The following RAD51B variants were observed in gnomAD, a reference collection of about 807,000 sequenced individuals.
RAD51B encodes the protein DNA repair protein RAD51 homolog 2.
A neutral mutation model predicts 42.2 loss-of-function variants in RAD51B; 38 were observed. The ratio of observed to expected loss-of-function variants is 0.90; its 90% CI spans 0.70 to 1.18. The LOEUF (loss-of-function observed/expected upper bound fraction) is 1.18. Among genes scored for constraint, RAD51B ranks in the 50% most tolerant of loss-of-function variants. RAD51B has a pLI of 0.00. For missense variants in RAD51B, 373 were observed against 400.7 expected, an observed-to-expected ratio of 0.93 and a Z score of 0.59; for synonymous variants, 154 against 145.2, an observed-to-expected ratio of 1.06 and a Z score of -0.43.
chr14:68,319,427 A>G (rs1383566420), intron 8 of RAD51B, among the ~76,000 whole-genome samples: 1 of 152,242 alleles, frequency 6.6e-6, no homozygotes, highest in East Asian at 1.9e-4. Flanking sequence ...AAAACTGTCC[A>G]AGGAGCCTGG....
At chr14:68,279,895 A>G (rs2081289397) in intron 7 of RAD51B, among the ~76,000 whole-genome samples, 1 of 152,182 alleles carries the variant, frequency 6.6e-6, no homozygotes, top group African/African-American at 2.4e-5. Context: ...CTGAGAAGAC[A>G]AATGCCCAAA....
chr14:68,645,579 T>C (rs984705198), intron 10 of RAD51B, among the ~76,000 whole-genome samples: 11 of 152,252 alleles, frequency 7.2e-5, no homozygotes, highest in African/African-American at 2.4e-4. Flanking sequence ...ACTGCCATAC[T>C]GTTTTCCACA....
chr14:68,090,643 T>TA (rs1297359115), intron 7 of RAD51B, among the ~76,000 whole-genome samples: 1 of 151,618 alleles, frequency 6.6e-6, no homozygotes, highest in Non-Finnish European at 1.5e-5. Flanking sequence ...CTCTTTATTT[T>TA]AAAAAATGTT....
chr14:68,613,805 G>A (rs1026214945), downstream of RAD51B, among the ~76,000 whole-genome samples: 2 of 152,148 alleles, frequency 1.3e-5, no homozygotes, highest in African/African-American at 4.8e-5. Context: ...TTGGGAGGGC[G>A]AGTGGCAGCC....
chr14:68,142,426 G>T (rs2078148108), intron 7 of RAD51B, among the ~76,000 whole-genome samples: 1 of 152,018 alleles, frequency 6.6e-6, no homozygotes, highest in Non-Finnish European at 1.5e-5. Flanking sequence ...TATAATATAG[G>T]TTTACTTTTG....
intron 10 of RAD51B, among the ~76,000 whole-genome samples, chr14:68,583,513 T>G (rs1305189409): frequency 1.3e-5 from 2 of 152,228 alleles, no homozygotes; most frequent in African/African-American, 2.4e-5. Context: ...AAACGCACCT[T>G]CCTGATATGG....
At chr14:68,573,361 T>G (rs10130694) in intron 10 of RAD51B, among the ~76,000 whole-genome samples, 1 of 151,890 alleles carries the variant, frequency 6.6e-6, no homozygotes, top group Non-Finnish European at 1.5e-5. Flanking sequence ...ACCAAGCACA[T>G]CCCTGCCTCG....
chr14:68,484,867 A>G (rs1883505685), intron 10 of RAD51B, among the ~76,000 whole-genome samples: 1 of 152,204 alleles, frequency 6.6e-6, no homozygotes, highest in African/African-American at 2.4e-5. Flanking sequence ...TGCATACTAT[A>G]GTTTATTTAC....
intron 9 of RAD51B, among the ~76,000 whole-genome samples, chr14:68,425,729 A>C (rs1014873724): frequency 6.6e-6 from 1 of 152,222 alleles, no homozygotes; most frequent in Non-Finnish European, 1.5e-5. Context: ...AAATACCTGA[A>C]AATATGGAAG....
intron 7 of RAD51B, among the ~76,000 whole-genome samples, chr14:68,178,822 G>A (rs1485166797): frequency 6.6e-6 from 1 of 152,156 alleles, no homozygotes; most frequent in Non-Finnish European, 1.5e-5. Flanking sequence ...ATGTTGTTTG[G>A]CTGTGACATG....
chr14:68,232,215 T>G (rs1277088508), intron 7 of RAD51B, among the ~76,000 whole-genome samples: 6 of 152,146 alleles, frequency 3.9e-5, no homozygotes, highest in Non-Finnish European at 2.9e-5. Flanking sequence ...TAGAGTAGTA[T>G]CTTCAAAATA....
At chr14:68,439,897 G>T (rs1467271829) in intron 9 of RAD51B, among the ~76,000 whole-genome samples, 1 of 152,170 alleles carries the variant, frequency 6.6e-6, no homozygotes, top group African/African-American at 2.4e-5. Context: ...CCCCTCCCCT[G>T]TTGAAAGCAT....
chr14:67,951,390 A>G (rs1006651293), intron 7 of RAD51B, among the ~76,000 whole-genome samples: 2 of 152,176 alleles, frequency 1.3e-5, no homozygotes, highest in African/African-American at 4.8e-5. Flanking sequence ...AATTTTTATG[A>G]GCTTTTTCAG....
intron 7 of RAD51B, among the ~76,000 whole-genome samples, chr14:68,180,054 G>T (rs1281667307): frequency 6.6e-6 from 1 of 152,108 alleles, no homozygotes; most frequent in East Asian, 1.9e-4. Flanking sequence ...TGAGACTAGA[G>T]CTTGGCCTAT....
chr14:67,980,043 A>G (rs2075062361), intron 7 of RAD51B, among the ~76,000 whole-genome samples: 1 of 152,200 alleles, frequency 6.6e-6, no homozygotes, highest in Non-Finnish European at 1.5e-5. Context: ...TAATGGTTTT[A>G]TCTTTGAAAT....
chr14:68,577,566 T>C (rs1890018419), intron 10 of RAD51B, among the ~76,000 whole-genome samples: 2 of 151,738 alleles, frequency 1.3e-5, no homozygotes, highest in Admixed American at 1.3e-4. Flanking sequence ...TCACAAGCCA[T>C]GAGCCAGGGT....
chr14:67,984,293 G>A (rs1360506630), intron 7 of RAD51B, among the ~76,000 whole-genome samples: 2 of 152,136 alleles, frequency 1.3e-5, no homozygotes, highest in African/African-American at 4.8e-5. Context: ...GTCAATTTCT[G>A]ATGAGTAATC....
chr14:68,296,942 TC>T (rs754716236), intron 8 of RAD51B, among the ~76,000 whole-genome samples: 6 of 152,208 alleles, frequency 3.9e-5, no homozygotes, highest in Non-Finnish European at 8.8e-5. Context: ...TAGCAGCACT[TC>T]CTAGAACCAA....
At chr14:68,305,569 T>C (rs557221460) in intron 8 of RAD51B, among the ~76,000 whole-genome samples, 3 of 152,330 alleles carry the variant, frequency 2.0e-5, no homozygotes, top group Admixed American at 2.0e-4. Context: ...TAGTACAGCA[T>C]CTAATGAATT....
Sources: allele counts gnomAD v4.1 joint callset (sites outside exome capture counted in the v4.1 genomes callset), GRCh38; gene constraint gnomAD v4.1.1; transcripts MANE v1.5; gene names NCBI Gene and HGNC (gene_info 2026-07-23, HGNC 2026-07-21).